Variants in TBL1XR1 observed in about 807,000 individuals in gnomAD.
TBL1XR1 encodes the protein F-box-like/WD repeat-containing protein TBL1XR1.
Under a neutral mutation model 66.9 loss-of-function variants are expected in TBL1XR1, and 5 were observed. The ratio of observed to expected loss-of-function variants is 0.07; its 90% CI spans 0.04 to 0.16. The LOEUF is 0.16. TBL1XR1 is among the 10% of genes least tolerant of loss of function. The pLI is 1.00. For missense variants in TBL1XR1, 238 were observed against 623.2 expected, an observed-to-expected ratio of 0.38 and a Z score of 6.58; for synonymous variants, 210 against 206.0, an observed-to-expected ratio of 1.02 and a Z score of -0.17.
At chr3:177,102,923 C>G (rs1226668379) in intron 1 of TBL1XR1, among the ~76,000 whole-genome samples, 1 of 152,216 alleles carries the variant, frequency 6.6e-6, no homozygotes, top group Non-Finnish European at 1.5e-5. Flanking sequence ...TCATACCTCT[C>G]TGATCAAATT....
At chr3:177,126,860 C>T (rs1172360210) in intron 1 of TBL1XR1, among the ~76,000 whole-genome samples, 1 of 149,896 alleles carries the variant, frequency 6.7e-6, no homozygotes, top group Admixed American at 6.6e-5. Context: ...AGAGAAATGC[C>T]CAAATCAAAT....
chr3:177,125,869 T>C (rs890441592), intron 1 of TBL1XR1: 2 of 152,204 alleles, frequency 1.3e-5, no homozygotes. Flanking sequence ...TTTAATCAAA[T>C]TATGGAATGG....
chr3:177,086,513 G>T (rs1007335182), intron 2 of TBL1XR1, among the ~76,000 whole-genome samples: 6 of 152,056 alleles, frequency 3.9e-5, no homozygotes, highest in Non-Finnish European at 8.8e-5. Flanking sequence ...TGTTCAGGGG[G>T]TAATGAAAGT....
chr3:177,198,806 T>C (rs1434378549), upstream of TBL1XR1, among the ~76,000 whole-genome samples: 1 of 152,108 alleles, frequency 6.6e-6, no homozygotes, highest in Non-Finnish European at 1.5e-5. Flanking sequence ...AAAATAGATG[T>C]AGTGATCACT....
intron 1 of TBL1XR1, among the ~76,000 whole-genome samples, chr3:177,158,810 A>C (rs1275322628): frequency 6.6e-6 from 1 of 152,130 alleles, no homozygotes; most frequent in African/African-American, 2.4e-5. Context: ...ATATAAACCC[A>C]AGAAATTAAC....
chr3:177,100,329 T>G (rs1724041469), intron 1 of TBL1XR1, among the ~76,000 whole-genome samples: 1 of 152,266 alleles, frequency 6.6e-6, no homozygotes, highest in Non-Finnish European at 1.5e-5. Context: ...CATTCTACAT[T>G]CTTAATGTCT....
At chr3:177,190,577 C>CA (rs1736021207) in intron 1 of TBL1XR1, among the ~76,000 whole-genome samples, 1 of 152,162 alleles carries the variant, frequency 6.6e-6, no homozygotes, top group Admixed American at 6.5e-5. Flanking sequence ...CTGGGCCTCC[C>CA]AAAGTGCAGA....
chr3:177,050,438 A>T (rs747296472), intron 6 of TBL1XR1, 40 bp downstream of exon 6: 5 of 1,605,530 alleles, frequency 3.1e-6, no homozygotes, highest in East Asian at 2.2e-5. Flanking sequence ...GTTCAATAAG[A>T]TATTTTTAAG....
At chr3:177,043,830 G>C (rs1715950670) in intron 10 of TBL1XR1, among the ~76,000 whole-genome samples, 1 of 151,978 alleles carries the variant, frequency 6.6e-6, no homozygotes, top group African/African-American at 2.4e-5. Flanking sequence ...CCTTTGATGG[G>C]TTCTTAACTG....
In TBL1XR1 at chr3:177,182,574, T is replaced by C. The variant is rs139515559; in HGVS notation, c.-122+14547A>G. 6.6e-4 allele frequency among the ~76,000 whole-genome samples: 101 copies of C among 152,210 alleles called. 2 individuals carry two copies. The highest frequency in any genetic ancestry group is 5.4e-3 in the South Asian group (26 of 4,820). On this transcript the variant is annotated intron_variant, in intron 1 of 15. Coordinates refer to ENST00000457928, the MANE Select transcript of TBL1XR1 (RefSeq NM_024665.7). ...GGATTCAACTCAACAATGGAAAGGC[T>C]AAAGAGTGCCAGGCACTGTACCAGA...
intron 10 of TBL1XR1, among the ~76,000 whole-genome samples, chr3:177,039,104 A>G (rs1004097641): frequency 1.3e-5 from 2 of 152,224 alleles, no homozygotes; most frequent in African/African-American, 4.8e-5. Context: ...CCATCTGGCT[A>G]TATTATAAGG....
intron 1 of TBL1XR1, among the ~76,000 whole-genome samples, chr3:177,101,754 T>C (rs1724247460): frequency 6.6e-6 from 1 of 152,182 alleles, no homozygotes; most frequent in Non-Finnish European, 1.5e-5. Context: ...CAACAGAAAA[T>C]GGACTAAGAC....
intron 10 of TBL1XR1, among the ~76,000 whole-genome samples, chr3:177,040,228 C>T (rs1405035659): frequency 1.3e-5 from 2 of 152,096 alleles, no homozygotes; most frequent in Admixed American, 1.3e-4. Flanking sequence ...GGCAGGAGGA[C>T]TGCTTGAGCT....
chr3:177,026,321 C>T (rs1713118564), intron 15 of TBL1XR1, 52 bp downstream of exon 15: 1 of 1,377,432 alleles, frequency 7.3e-7, no homozygotes, highest in Non-Finnish European at 1.0e-6. Context: ...AAGCTGCATT[C>T]TGATGTGAAT....
intron 2 of TBL1XR1, among the ~76,000 whole-genome samples, chr3:177,092,143 A>T (rs1722912888): frequency 6.6e-6 from 1 of 152,196 alleles, no homozygotes; most frequent in Non-Finnish European, 1.5e-5. Flanking sequence ...AAAATGCTCC[A>T]ATGAGTATTT....
intron 10 of TBL1XR1, among the ~76,000 whole-genome samples, chr3:177,044,370 TAGA>T (rs1338613512): frequency 1.3e-5 from 2 of 152,294 alleles, no homozygotes; most frequent in African/African-American, 4.8e-5. Context: ...AGCTGCTGAT[TAGA>T]AGACTTACTG....
intron 10 of TBL1XR1, among the ~76,000 whole-genome samples, chr3:177,043,506 C>A (rs1340790796): frequency 6.6e-6 from 1 of 152,052 alleles, no homozygotes; most frequent in Non-Finnish European, 1.5e-5. Flanking sequence ...TACTTATACA[C>A]TTGAAATGTA....
chr3:177,064,369 T>C (rs909252359), intron 3 of TBL1XR1, among the ~76,000 whole-genome samples: 1 of 152,216 alleles, frequency 6.6e-6, no homozygotes, highest in Non-Finnish European at 1.5e-5. Flanking sequence ...TCCTTCTGTT[T>C]TATCTATCAA....
chr3:177,084,204 A>G (rs562152198), intron 2 of TBL1XR1, among the ~76,000 whole-genome samples: 2 of 152,374 alleles, frequency 1.3e-5, no homozygotes, highest in South Asian at 4.1e-4. Flanking sequence ...TGAGTAACGT[A>G]AATCCCTAAC....
Sources: gnomAD v4.1 joint callset for allele counts (sites outside exome capture counted in the v4.1 genomes callset) on GRCh38, gnomAD v4.1.1 for gene constraint, MANE v1.5 for transcripts, NCBI Gene and HGNC (gene_info 2026-07-23, HGNC 2026-07-21) for gene names.